The following RARB variants were observed in gnomAD, a reference collection of about 807,000 sequenced individuals.
The protein encoded by RARB is retinoic acid receptor beta, also known as HBV-activated protein.
RARB carries 17 observed loss-of-function variants against 51.9 expected under a neutral mutation model. The ratio of observed to expected loss-of-function variants is 0.33; its 90% CI spans 0.22 to 0.49. The LOEUF is 0.49. Among genes scored for constraint, RARB ranks in the 20% least tolerant of loss-of-function variants. The probability of loss-of-function intolerance (pLI) is 0.99; values close to 1 mark genes in which losing one functional copy is unlikely to be tolerated. For synonymous variants in RARB, 215 were observed against 195.4 expected, an observed-to-expected ratio of 1.10 and a Z score of -0.84; for missense variants, 369 against 550.8, an observed-to-expected ratio of 0.67 and a Z score of 3.30.
chr3:25,034,242 G>A (rs1390231687), intron 2 of RARB, among the ~76,000 whole-genome samples: 1 of 152,150 alleles, frequency 6.6e-6, no homozygotes, highest in East Asian at 1.9e-4. Flanking sequence ...CCTGGGAGGT[G>A]GAGTTTGCAG....
At chr3:25,357,438 A>G (rs886158140) in intron 5 of RARB, among the ~76,000 whole-genome samples, 21 of 152,168 alleles carry the variant, frequency 1.4e-4, no homozygotes, top group Non-Finnish European at 1.9e-4. Flanking sequence ...TAGACTACAA[A>G]ACTTTTCTCC....
At chr3:25,409,689 A>C in intron 5 of RARB, among the ~76,000 whole-genome samples, 1 of 152,046 alleles carries the variant, frequency 6.6e-6, no homozygotes, top group East Asian at 1.9e-4. Context: ...TGTGTTGATG[A>C]CCTCTCTAAT....
chr3:25,190,569 TG>T (rs1417373039), intron 5 of RARB, among the ~76,000 whole-genome samples: 2 of 152,090 alleles, frequency 1.3e-5, no homozygotes, highest in Non-Finnish European at 1.5e-5. Flanking sequence ...AACTAAAAAA[TG>T]CATTTATTTA....
intron 2 of RARB, among the ~76,000 whole-genome samples, chr3:24,965,596 T>G (rs962122730): frequency 1.3e-5 from 2 of 152,148 alleles, no homozygotes; most frequent in Admixed American, 1.3e-4. Flanking sequence ...TAGATGACCT[T>G]CACCAAGTTA....
chr3:25,571,372 G>A (rs971346971), intron 4 of RARB, among the ~76,000 whole-genome samples: 1 of 152,226 alleles, frequency 6.6e-6, no homozygotes, highest in African/African-American at 2.4e-5. Flanking sequence ...CTGGTCTGCA[G>A]ACCAGACTCT....
chr3:24,859,459 C>G (rs1314097919), intron 2 of RARB, among the ~76,000 whole-genome samples: 1 of 152,170 alleles, frequency 6.6e-6, no homozygotes, highest in Non-Finnish European at 1.5e-5. Context: ...TTATTGTACT[C>G]ACCTGGAAGT....
intron 2 of RARB, among the ~76,000 whole-genome samples, chr3:25,029,897 C>T (rs1243068400): frequency 6.6e-6 from 1 of 152,188 alleles, no homozygotes; most frequent in African/African-American, 2.4e-5. Context: ...CCCAAGAAAT[C>T]ATATCAGAGT....
At chr3:25,332,107 C>T (rs1704915928) in intron 5 of RARB, among the ~76,000 whole-genome samples, 1 of 152,292 alleles carries the variant, frequency 6.6e-6, no homozygotes, top group Admixed American at 6.5e-5. Context: ...CAAAGACGAG[C>T]TGGTACCATT....
At chr3:24,926,140 T>C (rs1341694989) in intron 2 of RARB, among the ~76,000 whole-genome samples, 10 of 152,096 alleles carry the variant, frequency 6.6e-5, no homozygotes, top group Non-Finnish European at 1.3e-4. Flanking sequence ...ATTTATAGGA[T>C]CCTAATGCGG....
intron 5 of RARB, among the ~76,000 whole-genome samples, chr3:25,257,296 G>A (rs138662384): frequency 4.7e-4 from 72 of 152,158 alleles, no homozygotes; most frequent in Non-Finnish European, 9.1e-4. Context: ...TTGGCCAACT[G>A]GACTGTGTCC....
At chr3:25,239,361 C>T (rs1702376832) in intron 5 of RARB, among the ~76,000 whole-genome samples, 1 of 152,104 alleles carries the variant, frequency 6.6e-6, no homozygotes, top group Non-Finnish European at 1.5e-5. Flanking sequence ...AGATCTTAGC[C>T]ATAATATCTT....
rs560306562 is a variant in RARB, at chr3:24,981,338, T to G, written c.-379-78787T>G. On this transcript the variant is annotated intron_variant, in intron 2 of 11. Coordinates refer to the RARB transcript ENST00000383772. ...CAGGGGGGCTTAAGTCTGTAGAAGC[T>G]GTCTGCTGCCTTTTGTTTAGTTATG... 5.9e-4 allele frequency among the ~76,000 whole-genome samples: 90 copies of G among 152,334 alleles called. 1 individual carries two copies. Among genetic ancestry groups the G allele is most frequent in the African/African-American group, 1.1e-3 (46 of 41,594 alleles).
chr3:24,878,435 G>C (rs759036406), intron 2 of RARB, among the ~76,000 whole-genome samples: 1 of 151,808 alleles, frequency 6.6e-6, no homozygotes, highest in Non-Finnish European at 1.5e-5. Flanking sequence ...CAAAAACCTT[G>C]GTTGACTGCT....
At chr3:25,166,981 G>A (rs1378035724) in intron 4 of RARB, among the ~76,000 whole-genome samples, 1 of 152,112 alleles carries the variant, frequency 6.6e-6, no homozygotes, top group Admixed American at 6.6e-5. Context: ...GTCCATAATG[G>A]CAGGTCAAAT....
rs766001096 is a variant in RARB at position 25,569,819 on chromosome 3, C to T, written c.510C>T (p.Ser170=). 9 of 1,614,226 alleles carry T rather than the reference C, an allele frequency of 5.6e-6. No homozygotes were observed. Among genetic ancestry groups the T allele is most frequent in the South Asian group, 5.5e-5 (5 of 91,088 alleles). ...KETSKQECTE[S]YEMTAELDDL... is the part of the protein sequence containing the mutation. The stretch of plus-strand genomic sequence containing the variant: ...CTTCGAAGCAAGAATGCACAGAGAG[C>T]TATGAAATGACAGCTGAGTTGGACG... Residue 170 remains serine (S), a synonymous_variant, in exon 4 of 8, where the codon AGC becomes AGT. Transcript: ENST00000330688.
chr3:25,396,046 G>C (rs1285464999), intron 5 of RARB, among the ~76,000 whole-genome samples: 2 of 152,190 alleles, frequency 1.3e-5, no homozygotes, highest in Admixed American at 1.3e-4. Context: ...TTGTCCCACA[G>C]GGTGATCCCT....
chr3:25,376,384 G>A (rs150963705), intron 5 of RARB, among the ~76,000 whole-genome samples: 202 of 152,222 alleles, frequency 1.3e-3, no homozygotes, highest in African/African-American at 4.4e-3. Context: ...TTTTGTTAAC[G>A]TAGTATACAT....
At chr3:25,346,658 T>G (rs1022871203) in intron 5 of RARB, among the ~76,000 whole-genome samples, 1 of 152,158 alleles carries the variant, frequency 6.6e-6, no homozygotes, top group Non-Finnish European at 1.5e-5. Context: ...ATCAGGAAGC[T>G]CGAAGTGGCT....
At chr3:24,928,715 T>C (rs1173854142) in intron 2 of RARB, among the ~76,000 whole-genome samples, 2 of 151,988 alleles carry the variant, frequency 1.3e-5, no homozygotes, top group South Asian at 2.1e-4. Context: ...GACAGATACT[T>C]GGGGATAATT....
Sources: allele counts gnomAD v4.1 joint callset (sites outside exome capture counted in the v4.1 genomes callset), GRCh38; gene constraint gnomAD v4.1.1; transcripts MANE v1.5; gene names NCBI Gene and HGNC (gene_info 2026-07-23, HGNC 2026-07-21).